FOXK1: variants seen among roughly 807,000 people sequenced by gnomAD.
The protein encoded by FOXK1 is forkhead box protein K1.
Under a neutral mutation model 51.9 loss-of-function variants are expected in FOXK1, and 19 were observed. The ratio of observed to expected loss-of-function variants is 0.37; its 90% CI spans 0.26 to 0.54. The LOEUF (loss-of-function observed/expected upper bound fraction) is 0.54. Among genes scored for constraint, FOXK1 ranks in the 20% least tolerant of loss-of-function variants. The pLI, the probability that FOXK1 is intolerant of heterozygous loss-of-function variation, is 0.87. For missense variants in FOXK1, 870 were observed against 1,032.7 expected, an observed-to-expected ratio of 0.84 and a Z score of 2.16; for synonymous variants, 537 against 482.6, an observed-to-expected ratio of 1.11 and a Z score of -1.48.
At chr7:4,705,958 A>ATATG (rs1780085460) in intron 1 of FOXK1, among the ~76,000 whole-genome samples, 1 of 127,038 alleles carries the variant, frequency 7.9e-6, no homozygotes, top group Non-Finnish European at 1.6e-5. Context: ...ATATATATAT[A>ATATG]TGTATATATA....
rs10260874 is a variant in FOXK1, at chr7:4,735,844, T to C, written c.561-4994T>C. On this transcript the variant is annotated intron_variant, in intron 1 of 8. Transcript: ENST00000328914. The surrounding 1 kb of genome is among the most constrained non-coding windows in gnomAD (Gnocchi z 4.7). ...ATGTAACTGGCAAACTCCCTGAGCA[T>C]GCTGGGGAAACATCTATTTAAAAAT... Among the ~76,000 whole-genome samples, 11,135 of 152,266 alleles carry C rather than the reference T, an allele frequency of 0.073. 546 individuals carry two copies. The highest frequency in any genetic ancestry group is 0.13 in the African/African-American group (5,235 of 41,554).
At chr7:4,705,588 G>A (rs73048422) in intron 1 of FOXK1, among the ~76,000 whole-genome samples, 14,136 of 146,816 alleles carry the variant, frequency 0.096, 778 homozygotes, top group African/African-American at 0.14. Context: ...CCAGGCTGGA[G>A]TACACTGGCG....
intron 1 of FOXK1, among the ~76,000 whole-genome samples, chr7:4,702,193 A>G (rs77472321): frequency 1.3e-5 from 2 of 152,320 alleles, no homozygotes; most frequent in East Asian, 3.9e-4. Flanking sequence ...CATGACAGAT[A>G]AAATTGAGGT....
At chr7:4,695,922 G>A (rs1779945502) in intron 1 of FOXK1, among the ~76,000 whole-genome samples, 2 of 146,692 alleles carry the variant, frequency 1.4e-5, no homozygotes, top group Non-Finnish European at 3.0e-5. Flanking sequence ...GGCAACAAGA[G>A]CGAAACTCCG....
rs1454775383 is a variant in FOXK1 at position 4,749,932 on chromosome 7, C to G, written c.747-4527C>G. On this transcript the variant is annotated intron_variant, in intron 2 of 8. Coordinates refer to ENST00000328914, the MANE Select transcript of FOXK1 (RefSeq NM_001037165.2). This position sits in a 1 kb window ranked among gnomAD's most constrained non-coding sequence, Gnocchi z 6.0. ...GCCCGTCCGTCCCTCTGCAGTCTCC[C>G]TGCACTGGCATGTCCTGGGTGGTCC... Among the ~76,000 whole-genome samples the G allele has an allele frequency of 6.6e-6, 1 of 152,234 alleles. No individual in the cohort carries two copies. Among genetic ancestry groups the G allele is most frequent in the Non-Finnish European group, 1.5e-5 (1 of 68,038 alleles).
intron 2 of FOXK1, among the ~76,000 whole-genome samples, chr7:4,750,318 T>G (rs1054244261): frequency 2.0e-5 from 3 of 151,396 alleles, no homozygotes; most frequent in Non-Finnish European, 4.4e-5. Context: ...CCAGAAGGAG[T>G]GATTCCCTGT....
At chr7:4,705,560 G>A (rs1464658) in intron 1 of FOXK1, among the ~76,000 whole-genome samples, 7 of 90,304 alleles carry the variant, frequency 7.8e-5, no homozygotes, top group Non-Finnish European at 9.5e-5. Context: ...TCTCTCTCTC[G>A]CTCTCGCTCT....
In FOXK1 at chr7:4,695,475, G is replaced by C. The variant is rs115224810; in HGVS notation, c.560+12607G>C. On this transcript the variant is annotated intron_variant, in intron 1 of 8. Coordinates refer to ENST00000328914, the MANE Select transcript of FOXK1 (RefSeq NM_001037165.2). ...TTTTATATCTGTGCTGTCCAACATG[G>C]CCACCACTAGGCATGTGTGGCTGTT... Among the ~76,000 whole-genome samples the C allele has an allele frequency of 5.1e-3, 782 of 152,280 alleles. 4 individuals are homozygous for C. The highest frequency in any genetic ancestry group is 0.018 in the African/African-American group (743 of 41,568).
intron 1 of FOXK1, among the ~76,000 whole-genome samples, chr7:4,737,552 C>CTG (rs146678822): frequency 0.036 from 5,367 of 148,570 alleles, 217 homozygotes; most frequent in African/African-American, 0.1. Context: ...GTGTGCGTGC[C>CTG]TGTGTGTGTG....
In FOXK1 at chr7:4,759,541, G is replaced by T. The variant is rs1195344666; in HGVS notation, c.1642G>T (p.Gly548Cys). The T allele has an allele frequency of 6.4e-7, 1 of 1,556,510 alleles. No individual in the cohort carries two copies. Among genetic ancestry groups the T allele is most frequent in the Admixed American group, 1.9e-5 (1 of 53,666 alleles). ...CCTCACCAGCCAGGGCGCGGCGGGG[G>T]GCTCCCATGATGCGGCGGGCGCAGC... The part of the protein sequence containing the change: ...YILTSQGAAG[G>C]SHDAAGAAVL... Residue 548 changes from glycine (G) to cysteine (C), a missense_variant, in exon 7 of 9, where the codon GGC (glycine) becomes TGC (cysteine). This residue lies in a region of FOXK1 where 457 missense variants were observed against 510.8 expected (regional missense o/e 0.89). Transcript: ENST00000328914.
intron 1 of FOXK1, among the ~76,000 whole-genome samples, chr7:4,718,268 G>A (rs532740413): frequency 2.0e-5 from 3 of 152,302 alleles, no homozygotes; most frequent in South Asian, 4.1e-4. Context: ...CCGCCACCTC[G>A]GTCACCACGC....
intron 1 of FOXK1, among the ~76,000 whole-genome samples, chr7:4,696,993 G>A (rs1334045573): frequency 1.3e-5 from 2 of 152,130 alleles, no homozygotes; most frequent in South Asian, 2.1e-4. Context: ...CCTTGAACCC[G>A]GGAGGCGGAG....
Position 4,740,868 on chromosome 7 carries a change from C to T in FOXK1, c.591C>T (p.Ile197=). 1 of 1,596,932 alleles carries T rather than the reference C, an allele frequency of 6.3e-7. No homozygotes were observed. Among genetic ancestry groups the T allele is most frequent in the Non-Finnish European group, 8.5e-7 (1 of 1,172,644 alleles). The change falls in exon 2 of 9, where the codon ATC becomes ATT. Residue 197 remains isoleucine (I), a synonymous_variant. Transcript: ENST00000328914. ...QCTFRFPSTA[I]KIQFTSLYHK... Reference sequence around the variant, plus strand: ...CCTTCCGGTTTCCCAGCACGGCCATCAAGATCCAGTTCACGTCGCTCTATC... The same window carrying T: ...CCTTCCGGTTTCCCAGCACGGCCATTAAGATCCAGTTCACGTCGCTCTATC...
intron 2 of FOXK1, among the ~76,000 whole-genome samples, chr7:4,750,789 C>G (rs1444635953): frequency 1.3e-5 from 2 of 151,912 alleles, no homozygotes; most frequent in Non-Finnish European, 2.9e-5. Context: ...ACTGCAACCT[C>G]TGCCTCCCGG....
At chr7:4,757,965 T>A (rs1334494116) in intron 5 of FOXK1, 1 of 152,224 alleles carries the variant, frequency 6.6e-6, no homozygotes, top group Non-Finnish European at 1.5e-5. Context: ...ATAGTAAGGT[T>A]ACTAAGTAAG....
In FOXK1 at chr7:4,730,821, G is replaced by A. The variant is rs1562381709; in HGVS notation, c.561-10017G>A. ...AGTATTTTAGGTTAAAAAATTTAAG[G>A]TTGTCAGAATTCTCTGATTTGGGGA... On this transcript the variant is annotated intron_variant, in intron 1 of 8. Coordinates refer to ENST00000328914, the MANE Select transcript of FOXK1 (RefSeq NM_001037165.2). The surrounding 1 kb of genome is among the most constrained non-coding windows in gnomAD (Gnocchi z 4.7). 6.6e-6 allele frequency among the ~76,000 whole-genome samples: 1 copy of A among 152,080 alleles called. No homozygotes were observed. Among genetic ancestry groups the A allele is most frequent in the Non-Finnish European group, 1.5e-5 (1 of 68,022 alleles).
At position 4,746,808 on chromosome 7, in the gene FOXK1, C is replaced by T. The variant is rs531549968; in HGVS notation, c.746+5785C>T. On this transcript the variant is annotated intron_variant, in intron 2 of 8. Transcript: ENST00000328914. ...CACCCCTAGCGGGAATCCTGCCTGGCTGATCTGGGCTGGCTGTGCCAGCAT... is the reference window on the plus strand; with the variant it reads ...CACCCCTAGCGGGAATCCTGCCTGGTTGATCTGGGCTGGCTGTGCCAGCAT... Among the ~76,000 whole-genome samples, 11 of 152,356 alleles carry T rather than the reference C, an allele frequency of 7.2e-5. No individual in the cohort carries two copies. The South Asian group carries it at 2.3e-3, about 32-fold the overall frequency.
chr7:4,714,378 A>C (rs1487870452), intron 1 of FOXK1, among the ~76,000 whole-genome samples: 1 of 151,972 alleles, frequency 6.6e-6, no homozygotes, highest in Admixed American at 6.6e-5. Context: ...TCTGGGGTTC[A>C]AGTGATTCTC....
rs1178299532 is a variant in FOXK1, at chr7:4,723,181, C to T, written c.561-17657C>T. On this transcript the variant is annotated intron_variant, in intron 1 of 8. Coordinates refer to ENST00000328914, the MANE Select transcript of FOXK1 (RefSeq NM_001037165.2). The surrounding 1 kb of genome is among the most constrained non-coding windows in gnomAD (Gnocchi z 4.7). ...GCACTGGGTCCAGGGCGCCTGCTCG[C>T]GGTCACCCATAGGGTGGGTGGACAC... Among the ~76,000 whole-genome samples, 5 of 151,882 alleles carry T rather than the reference C, an allele frequency of 3.3e-5. No individual in the cohort carries two copies. The highest frequency in any genetic ancestry group is 1.9e-4 in the East Asian group (1 of 5,162).
Sources: gnomAD v4.1 joint callset for allele counts (sites outside exome capture counted in the v4.1 genomes callset) on GRCh38, gnomAD v4.1.1 for gene constraint, gnomAD v4.1.1 regional missense constraint, Gnocchi (gnomAD v3.1) non-coding constraint, MANE v1.5 for transcripts, NCBI Gene and HGNC (gene_info 2026-07-23, HGNC 2026-07-21) for gene names.